Variants in SLC7A8 observed in about 807,000 individuals in gnomAD.
SLC7A8 encodes the protein large neutral amino acids transporter small subunit 2.
SLC7A8 carries 30 observed loss-of-function variants against 51.2 expected under a neutral mutation model. The observed-to-expected ratio is 0.59, with a 90% confidence interval of 0.44 to 0.80. The LOEUF is 0.80. Ranked by LOEUF, SLC7A8 falls within the 30% of genes least tolerant of loss-of-function variation. The pLI is 0.00. For synonymous variants in SLC7A8, 257 were observed against 275.8 expected (o/e 0.93, Z 0.67); for missense variants, 612 against 674.4 (o/e 0.91, Z 1.03).
chr14:23,154,064 G>C (rs1482092840), intron 3 of SLC7A8, among the ~76,000 whole-genome samples: 4 of 152,224 alleles, frequency 2.6e-5, no homozygotes, highest in Non-Finnish European at 4.4e-5. Flanking sequence ...ACTGAAAACA[G>C]CAAGATGGAA....
chr14:23,172,467 G>A (rs2048979599), intron 1 of SLC7A8, among the ~76,000 whole-genome samples: 2 of 152,174 alleles, frequency 1.3e-5, no homozygotes, highest in African/African-American at 4.8e-5. Context: ...TTAATGAAAC[G>A]GATGGAGCCA....
intron 1 of SLC7A8, among the ~76,000 whole-genome samples, chr14:23,174,932 G>C (rs1308791094): frequency 6.6e-6 from 1 of 152,072 alleles, no homozygotes; most frequent in Non-Finnish European, 1.5e-5. Context: ...TATACTCCTG[G>C]GATCATTTGC....
chr14:23,145,572 G>C (rs1313213241), intron 3 of SLC7A8, among the ~76,000 whole-genome samples: 1 of 150,486 alleles, frequency 6.6e-6, no homozygotes, highest in East Asian at 2.0e-4. Context: ...GACACCAAGG[G>C]CAAGTAAATG....
chr14:23,125,637 G>C lies in SLC7A8; in HGVS notation c.*1540C>G, dbSNP rs1045863. 12,764 of 152,768 alleles carry C rather than the reference G, an allele frequency of 0.084. 681 individuals are homozygous for C. The highest frequency in any genetic ancestry group is 0.11 in the Non-Finnish European group (7,768 of 68,090). 9.5% of individuals were successfully genotyped at this position (152,768 alleles called of 1,614,324 possible). A position where few individuals can be genotyped will look rare whatever the true frequency, so the allele number is the denominator to read the frequency against. ...AGGGGTCACAACTCAGACCAAACTTGGCATCTCACCAACTATGGGGTGGGC... is the reference window on the plus strand; with the variant it reads ...AGGGGTCACAACTCAGACCAAACTTCGCATCTCACCAACTATGGGGTGGGC... On this transcript the variant is annotated 3_prime_UTR_variant, in exon 11 of 11. Coordinates refer to ENST00000316902, the MANE Select transcript of SLC7A8 (RefSeq NM_012244.4).
Position 23,165,275 on chromosome 14 carries a change from T to A in SLC7A8, c.508+10A>T. The A allele has an allele frequency of 6.2e-7, 1 of 1,606,502 alleles. No individual in the cohort carries two copies. Among genetic ancestry groups the A allele is most frequent in the South Asian group, 1.1e-5 (1 of 90,338 alleles). On this transcript the variant is annotated intron_variant, in intron 3 of 10. Coordinates refer to ENST00000316902, the MANE Select transcript of SLC7A8 (RefSeq NM_012244.4). This position sits in a 1 kb window ranked among gnomAD's most constrained non-coding sequence, Gnocchi z 4.2. ...GGCTGTCTTGCTACCAAGACCCAGA[T>A]GACACTTACATAAGCAGATGGCAGC...
chr14:23,141,753 C>T (rs888120587), intron 4 of SLC7A8, among the ~76,000 whole-genome samples: 5 of 152,186 alleles, frequency 3.3e-5, no homozygotes, highest in African/African-American at 9.7e-5. Flanking sequence ...CATGCCTGGC[C>T]GTCTCTCTTT....
At chr14:23,158,406 C>T (rs753930524) in intron 3 of SLC7A8, among the ~76,000 whole-genome samples, 26 of 152,274 alleles carry the variant, frequency 1.7e-4, no homozygotes, top group African/African-American at 5.3e-4. Flanking sequence ...AGTGCAGTGG[C>T]GCAATCTCGG....
At chr14:23,155,182 C>A in intron 3 of SLC7A8, 1 of 1,535,886 alleles carries the variant, frequency 6.5e-7, no homozygotes, top group Non-Finnish European at 8.7e-7. Flanking sequence ...TTAGAAATCT[C>A]GGAACCCCCT....
chr14:23,140,688 C>G, intron 4 of SLC7A8, 64 bp from the exon 5 acceptor site: 1 of 1,530,268 alleles, frequency 6.5e-7, no homozygotes, highest in East Asian at 2.3e-5. Context: ...AGCCCCTGGC[C>G]TGCCCTGGCC....
rs938351762 is a variant in SLC7A8 at position 23,165,092 on chromosome 14, C to T, written c.508+193G>A. 2.6e-5 allele frequency among the ~76,000 whole-genome samples: 4 copies of T among 151,966 alleles called. No homozygotes were observed. Among genetic ancestry groups the T allele is most frequent in the African/African-American group, 9.7e-5 (4 of 41,346 alleles). ...CTCAGACTGGGTGCAGTGGCTCACACCTGTAACCACAACACTTTGGGAGGC... is the reference window on the plus strand; with the variant it reads ...CTCAGACTGGGTGCAGTGGCTCACATCTGTAACCACAACACTTTGGGAGGC... On this transcript the variant is annotated intron_variant, in intron 3 of 10. Transcript: ENST00000316902. The surrounding 1 kb of genome is among the most constrained non-coding windows in gnomAD (Gnocchi z 4.2).
intron 1 of SLC7A8, among the ~76,000 whole-genome samples, chr14:23,172,905 C>T (rs1566374133): frequency 6.6e-6 from 1 of 151,408 alleles, no homozygotes; most frequent in Non-Finnish European, 1.5e-5. Context: ...AAATTTGAGC[C>T]TGGATGATTT....
intron 3 of SLC7A8, among the ~76,000 whole-genome samples, chr14:23,153,550 C>T (rs1390359367): frequency 1.3e-5 from 2 of 152,176 alleles, no homozygotes; most frequent in Non-Finnish European, 2.9e-5. Context: ...GCTTTCTGTG[C>T]AGCAGGAAGG....
At chr14:23,138,132 T>C in intron 6 of SLC7A8, 108 bp from the exon 7 acceptor site, 1 of 1,353,394 alleles carries the variant, frequency 7.4e-7, no homozygotes, top group Non-Finnish European at 1.0e-6. Context: ...CCCTTGCTAA[T>C]TCTCTCTCGC....
intron 3 of SLC7A8, among the ~76,000 whole-genome samples, chr14:23,151,827 G>A (rs971577854): frequency 1.3e-5 from 2 of 150,800 alleles, no homozygotes; most frequent in African/African-American, 4.9e-5. Flanking sequence ...ACTTTGGGAA[G>A]CTGAGGCGGA....
rs759792312 is a variant in SLC7A8, at chr14:23,127,293, C to T, written c.1492G>A (p.Val498Met). 3.7e-6 allele frequency: 6 copies of T among 1,614,122 alleles called. No individual in the cohort carries two copies. The East Asian group carries it at 8.9e-5, about 24-fold the overall frequency. Reference protein sequence around the residue: ...QKMCVVVYPEVERGSGTEEAN... With the variant: ...QKMCVVVYPEMERGSGTEEAN... ...TCCTCTGTCCCTGAGCCCCGCTCCA[C>T]CTCGGGGTACACGACCACACACATC... Residue 498 changes from valine to methionine, a missense_variant, in exon 11 of 11, where the codon GTG becomes ATG. By Grantham distance (21) the Val-to-Met change is conservative. Transcript: ENST00000316902.
chr14:23,157,471 A>T (rs1252478970), intron 3 of SLC7A8, among the ~76,000 whole-genome samples: 1 of 151,698 alleles, frequency 6.6e-6, no homozygotes, highest in Non-Finnish European at 1.5e-5. Context: ...TCTGTCTGAA[A>T]CCCTTCAAAC....
At chr14:23,177,595 A>T (rs2140341568) in intron 1 of SLC7A8, among the ~76,000 whole-genome samples, 1 of 152,360 alleles carries the variant, frequency 6.6e-6, no homozygotes, top group Non-Finnish European at 1.5e-5. Flanking sequence ...GATTCTGGTT[A>T]CATACCTAGA....
At chr14:23,166,246 C>T (rs2048949402) in intron 2 of SLC7A8, 90 bp downstream of exon 2, 1 of 1,419,804 alleles carries the variant, frequency 7.0e-7, no homozygotes, top group Non-Finnish European at 9.8e-7. Flanking sequence ...GACTGGAAAC[C>T]CCTGGCCTTG....
At chr14:23,141,733 C>A (rs149801305) in intron 4 of SLC7A8, among the ~76,000 whole-genome samples, 1 of 152,198 alleles carries the variant, frequency 6.6e-6, no homozygotes, top group African/African-American at 2.4e-5. Flanking sequence ...GGATTACAGG[C>A]GTAAGCCACC....
Sources: allele counts gnomAD v4.1 joint callset (sites outside exome capture counted in the v4.1 genomes callset), GRCh38; gene constraint gnomAD v4.1.1; non-coding constraint Gnocchi (gnomAD v3.1); transcripts MANE v1.5; gene names NCBI Gene and HGNC (gene_info 2026-07-23, HGNC 2026-07-21).